RXFP2: variants seen among roughly 807,000 people sequenced by gnomAD.
RXFP2 encodes relaxin receptor 2.
RXFP2 carries 68 observed loss-of-function variants against 88.6 expected under a neutral mutation model. The ratio of observed to expected loss-of-function variants is 0.77; its 90% CI spans 0.63 to 0.94. The LOEUF is 0.94. RXFP2 is among the 40% of genes least tolerant of loss of function. The probability of loss-of-function intolerance (pLI) is 0.00; values close to 1 mark genes in which losing one functional copy is unlikely to be tolerated. For synonymous variants in RXFP2, 329 were observed against 306.8 expected (o/e 1.07, Z -0.76); for missense variants, 791 against 893.9 (o/e 0.88, Z 1.47).
chr13:31,779,104 A>T (rs1384324946), intron 9 of RXFP2, among the ~76,000 whole-genome samples: 1 of 142,300 alleles, frequency 7.0e-6, no homozygotes, highest in Admixed American at 7.1e-5. Context: ...GGGTACTATC[A>T]CCATATAGTC....
In RXFP2 at chr13:31,788,139, A is replaced by G. The variant is rs75071635; in HGVS notation, c.1074-983A>G. 5.6e-4 allele frequency among the ~76,000 whole-genome samples: 79 copies of G among 140,702 alleles called. No individual in the cohort carries two copies. The East Asian group carries it at 7.8e-3, about 14-fold the overall frequency. The allele number at this position is 140,702 out of a possible 152,430, so 92.3% of individuals were successfully genotyped here. On this transcript the variant is annotated intron_variant, in intron 13 of 17. Coordinates refer to ENST00000298386, the MANE Select transcript of RXFP2 (RefSeq NM_130806.5). The stretch of plus-strand genomic sequence containing the variant: ...TAAGTCAAGGACAGAGCCAGAGAGA[A>G]AAAAAAAAAAAGGAAAATTAAACTT...
At chr13:31,759,407 A>AAGAG (rs1463315296) in intron 2 of RXFP2, among the ~76,000 whole-genome samples, 1 of 149,954 alleles carries the variant, frequency 6.7e-6, no homozygotes, top group African/African-American at 2.5e-5. Context: ...GAAAGAAAGA[A>AAGAG]AGAAAGAAAG....
chr13:31,801,921 A>C (rs1012827567), intron 17 of RXFP2, among the ~76,000 whole-genome samples: 1 of 152,254 alleles, frequency 6.6e-6, no homozygotes, highest in African/African-American at 2.4e-5. Flanking sequence ...TGTTAATATC[A>C]CAATGACCTT....
intron 2 of RXFP2, among the ~76,000 whole-genome samples, chr13:31,760,875 G>A (rs1177470307): frequency 2.0e-5 from 3 of 151,986 alleles, no homozygotes; most frequent in African/African-American, 7.3e-5. Flanking sequence ...GGAAAATTTG[G>A]CAAATAAATT....
Position 31,748,823 on chromosome 13 carries a change from A to G in RXFP2, c.94+9117A>G, listed in dbSNP as rs114978912. Among the ~76,000 whole-genome samples the G allele has an allele frequency of 3.3e-3, 508 of 152,212 alleles. 5 individuals are homozygous for G. Among genetic ancestry groups the G allele is most frequent in the African/African-American group, 0.011 (463 of 41,532 alleles). On this transcript the variant is annotated intron_variant, in intron 1 of 17. Transcript: ENST00000298386. ...AACATGGTGAAACCCCATCTCTATT[A>G]AAATACAAAAAAGAAAAAGAAAAAT...
At chr13:31,772,744 G>C (rs1440752489) in intron 5 of RXFP2, among the ~76,000 whole-genome samples, 2 of 152,180 alleles carry the variant, frequency 1.3e-5, no homozygotes, top group Non-Finnish European at 2.9e-5. Flanking sequence ...TTAAGAGTTT[G>C]AGTTTTAACT....
At chr13:31,752,165 A>G (rs1767185069) in intron 1 of RXFP2, among the ~76,000 whole-genome samples, 1 of 152,128 alleles carries the variant, frequency 6.6e-6, no homozygotes, top group Admixed American at 6.5e-5. Flanking sequence ...TCCAATGTAA[A>G]TGAAAATGTA....
chr13:31,786,995 C>G (rs2181256), intron 13 of RXFP2, among the ~76,000 whole-genome samples: 91,664 of 152,134 alleles, frequency 0.6, 27,794 homozygotes, highest in East Asian at 0.77. Flanking sequence ...CCCCTTTGCC[C>G]TTTCCTACAA....
In RXFP2 at chr13:31,781,651, C is replaced by A. The variant is rs202057614; in HGVS notation, c.786-20C>A. 1.2e-4 allele frequency: 191 copies of A among 1,549,788 alleles called. No individual in the cohort carries two copies. Among genetic ancestry groups the A allele is most frequent in the South Asian group, 1.2e-3 (104 of 89,476 alleles). ...TTTGTACAAAAAATATTAAAAATAT[C>A]TTTCCTCCATGACTTCCAGGGATTT... On this transcript the variant is annotated intron_variant, in intron 9 of 17. Transcript: ENST00000298386.
At chr13:31,761,250 A>G (rs1461671748) in intron 2 of RXFP2, among the ~76,000 whole-genome samples, 4 of 152,206 alleles carry the variant, frequency 2.6e-5, no homozygotes, top group Admixed American at 2.6e-4. Context: ...CGCTGCACCC[A>G]GAAAAAAGCC....
chr13:31,802,527 A>C lies in RXFP2; in HGVS notation c.*122A>C. On this transcript the variant is annotated 3_prime_UTR_variant, in exon 18 of 18. Coordinates refer to ENST00000298386, the MANE Select transcript of RXFP2 (RefSeq NM_130806.5). ...GCAAGCCTTTCTGCACAGAGAGCAC[A>C]GCAGAATGGCTCCTGTCACTGCATT... 1 of 1,053,794 alleles carries C rather than the reference A, an allele frequency of 9.5e-7. No homozygotes were observed. The allele number at this position is 1,053,794 out of a possible 1,614,324, so 65.3% of individuals were successfully genotyped here. A position where few individuals can be genotyped will look rare whatever the true frequency, so the allele number is the denominator to read the frequency against.
chr13:31,746,097 T>C (rs1871402425), intron 1 of RXFP2, among the ~76,000 whole-genome samples: 1 of 152,204 alleles, frequency 6.6e-6, no homozygotes, highest in South Asian at 2.1e-4. Flanking sequence ...CAAGAACCAC[T>C]TGTCATGATG....
intron 9 of RXFP2, among the ~76,000 whole-genome samples, chr13:31,780,317 T>C (rs1873207146): frequency 6.6e-6 from 1 of 152,220 alleles, no homozygotes. Context: ...CTGGGGAGGC[T>C]TCTCCTCTTC....
At chr13:31,797,854 G>A (rs1432586108) in intron 17 of RXFP2, among the ~76,000 whole-genome samples, 2 of 152,140 alleles carry the variant, frequency 1.3e-5, no homozygotes, top group African/African-American at 2.4e-5. Context: ...GCCATAAAAT[G>A]TCATGCTGGG....
At chr13:31,773,300 A>C (rs184120456) in intron 5 of RXFP2, among the ~76,000 whole-genome samples, 1 of 152,284 alleles carries the variant, frequency 6.6e-6, no homozygotes, top group Admixed American at 6.5e-5. Context: ...GCATATCACC[A>C]CAGATGTGAT....
chr13:31,743,678 C>T (rs1871299869), intron 1 of RXFP2, among the ~76,000 whole-genome samples: 1 of 151,960 alleles, frequency 6.6e-6, no homozygotes, highest in African/African-American at 2.4e-5. Context: ...CCCCTCCTCC[C>T]TGCCTCTGCA....
intron 5 of RXFP2, among the ~76,000 whole-genome samples, chr13:31,766,417 G>A (rs924490599): frequency 3.3e-5 from 5 of 152,036 alleles, no homozygotes; most frequent in Non-Finnish European, 7.4e-5. Flanking sequence ...ATAATGATAG[G>A]GTACAGATAT....
At chr13:31,763,408 G>A (rs370807995) in intron 3 of RXFP2, among the ~76,000 whole-genome samples, 85 of 152,238 alleles carry the variant, frequency 5.6e-4, no homozygotes, top group African/African-American at 2.0e-3. Context: ...TGGTCATCCT[G>A]ATGGAGGAGG....
intron 16 of RXFP2, among the ~76,000 whole-genome samples, chr13:31,795,505 G>A (rs1256174474): frequency 1.3e-5 from 2 of 152,028 alleles, no homozygotes; most frequent in Admixed American, 1.3e-4. Flanking sequence ...TTGGGGCAGG[G>A]GAGCATTTTC....
Sources: allele counts gnomAD v4.1 joint callset (sites outside exome capture counted in the v4.1 genomes callset), GRCh38; gene constraint gnomAD v4.1.1; transcripts MANE v1.5; gene names NCBI Gene and HGNC (gene_info 2026-07-23, HGNC 2026-07-21).